Variants in KIAA1210 observed in about 807,000 individuals in gnomAD.
KIAA1210 encodes KIAA1210.
KIAA1210 carries 48 observed loss-of-function variants against 78.9 expected under a neutral mutation model. That is an observed-to-expected ratio of 0.61 (90% confidence interval 0.48 to 0.77). The LOEUF (loss-of-function observed/expected upper bound fraction) is 0.77, where lower values mean the gene tolerates loss of function less well. KIAA1210 is among the 30% of genes least tolerant of loss of function. The pLI, the probability that KIAA1210 is intolerant of heterozygous loss-of-function variation, is 0.00. For synonymous variants in KIAA1210, 406 were observed against 404.5 expected, an observed-to-expected ratio of 1.00 and a Z score of -0.04; for missense variants, 1,108 against 1,100.0, an observed-to-expected ratio of 1.01 and a Z score of -0.10.
At chrX:119,121,002 C>T (rs1020690766) in intron 2 of KIAA1210, among the ~76,000 whole-genome samples, 5 of 111,168 alleles carry the variant, frequency 4.5e-5, no homozygotes, top group Admixed American at 2.9e-4. Context: ...TAGGAGACCG[C>T]CCTATCCCTA....
At chrX:119,107,912 C>T (rs1927940576) in intron 5 of KIAA1210, among the ~76,000 whole-genome samples, 1 of 111,626 alleles carries the variant, frequency 9.0e-6, no homozygotes, top group Non-Finnish European at 1.9e-5. Context: ...AGCAATGGAT[C>T]CCTACCATAA....
At chrX:119,090,965 C>G (rs1927349351) in intron 8 of KIAA1210, among the ~76,000 whole-genome samples, 3 of 111,868 alleles carry the variant, frequency 2.7e-5, no homozygotes, top group Admixed American at 9.5e-5. Flanking sequence ...CACAAAGATA[C>G]TCTGCAACCA....
intron 2 of KIAA1210, among the ~76,000 whole-genome samples, chrX:119,138,072 A>C (rs987584952): frequency 4.5e-5 from 5 of 111,021 alleles, no homozygotes; most frequent in African/African-American, 6.6e-5. Flanking sequence ...GGAGGCCGTC[A>C]AGCTACAGAA....
chrX:119,088,831 T>A lies in KIAA1210; in HGVS notation c.1871A>T (p.His624Leu). 8.3e-7 allele frequency: 1 copy of A among 1,211,016 alleles called. No homozygotes were observed. Among genetic ancestry groups the A allele is most frequent in the Non-Finnish European group, 1.1e-6 (1 of 895,203 alleles). The change falls in exon 9 of 12, where the codon CAC becomes CTC. Residue 624 changes from histidine (H) to leucine (L), a missense_variant. His to Leu is a moderately conservative substitution (Grantham distance 99, BLOSUM62 -3). Around this residue, in one of 5 missense-constraint regions of KIAA1210, gnomAD observed 672 missense variants for 607.1 expected, o/e 1.11. Coordinates refer to ENST00000691062, the MANE Select transcript of KIAA1210 (RefSeq NM_001394962.1). ...AAACTTCCCCAAGGACTGGGAAGAG[T>A]GACCATGAGCCAGTTCTTCAGAACC... ...GDGSEELAHG[H>L]SSQSLGKFED... is the part of the protein sequence containing the mutation.
Position 119,089,524 on chromosome X carries a change from C to G in KIAA1210, c.1178G>C (p.Arg393Thr), listed in dbSNP as rs1255285388. The G allele has an allele frequency of 1.2e-5, 15 of 1,209,986 alleles. No homozygotes were observed. In the South Asian group the frequency reaches 2.3e-4, roughly 18 times the overall value. ...QSSEGYGLGD[R>T]AGSSPTNKTA... The stretch of plus-strand genomic sequence containing the variant: ...CTTATTGGTAGGTGAAGACCCAGCT[C>G]TATCGCCCAGGCCATACCCTTCACT... Residue 393 changes from arginine to threonine, a missense_variant, in exon 9 of 12, where the codon AGA becomes ACA. By Grantham distance (71) the Arg-to-Thr change is moderately conservative. Around this residue, in one of 5 missense-constraint regions of KIAA1210, gnomAD observed 672 missense variants for 607.1 expected, o/e 1.11. Transcript: ENST00000691062.
At position 119,112,430 on chromosome X, in the gene KIAA1210, C is replaced by A. The variant is rs180827482; in HGVS notation, c.231-3228G>T. 1.3e-3 allele frequency among the ~76,000 whole-genome samples: 144 copies of A among 110,515 alleles called. 1 individual carries two copies. Among genetic ancestry groups the A allele is most frequent in the African/African-American group, 4.5e-3 (138 of 30,410 alleles). On this transcript the variant is annotated intron_variant, in intron 3 of 11. Coordinates refer to ENST00000691062, the MANE Select transcript of KIAA1210 (RefSeq NM_001394962.1). ...TAATAGGAATTCTTTTTATTGAATT[C>A]TTAAGGAATTCAATAATAAAAATTT... is the stretch of plus-strand genomic sequence containing the variant.
intron 2 of KIAA1210, among the ~76,000 whole-genome samples, chrX:119,120,184 T>A (rs1381205177): frequency 9.0e-6 from 1 of 110,976 alleles, no homozygotes; most frequent in Non-Finnish European, 1.9e-5. Context: ...CCTCCCAAGG[T>A]GCCAGGATTA....
chrX:119,103,419 A>AT (rs1255765158), intron 6 of KIAA1210, among the ~76,000 whole-genome samples: 1 of 111,971 alleles, frequency 8.9e-6, no homozygotes, highest in Non-Finnish European at 1.9e-5. Context: ...CATGACTATA[A>AT]TTTTTTTAAA....
chrX:119,079,127 T>C lies in KIAA1210; in HGVS notation c.*2202A>G, dbSNP rs932259515. 1 of 112,314 alleles carries C rather than the reference T, an allele frequency of 8.9e-6. No homozygotes were observed. The highest frequency in any genetic ancestry group is 1.9e-5 in the Non-Finnish European group (1 of 53,246). 9.3% of individuals were successfully genotyped at this position (112,314 alleles called of 1,213,427 possible). On this transcript the variant is annotated 3_prime_UTR_variant, in exon 12 of 12. Coordinates refer to ENST00000691062, the MANE Select transcript of KIAA1210 (RefSeq NM_001394962.1). ...ATGTTATATAGAGAAAATGCAAAAT[T>C]TAGCATGTAATTGTACTGTGTCACA...
intron 8 of KIAA1210, among the ~76,000 whole-genome samples, chrX:119,093,320 G>A (rs1307478666): frequency 8.9e-6 from 1 of 112,470 alleles, no homozygotes; most frequent in Non-Finnish European, 1.9e-5. Flanking sequence ...GAAATCAGTG[G>A]TTGTCCTCTC....
Position 119,086,686 on chromosome X carries a change from C to T in KIAA1210, c.4016G>A (p.Gly1339Glu). ...SGPISSSVGRGHKIRSTSQGL... is the reference protein window; with the variant it reads ...SGPISSSVGREHKIRSTSQGL... Reference sequence around the variant, plus strand: ...CTGGGAAGTGCTTCTGATTTTATGTCCCCTGCCTACAGAGGATGAAATTGG... The same window carrying T: ...CTGGGAAGTGCTTCTGATTTTATGTTCCCTGCCTACAGAGGATGAAATTGG... The change falls in exon 9 of 12, where the codon GGA (glycine) becomes GAA (glutamate). Residue 1339 changes from glycine (G) to glutamate (E), a missense_variant. Transcript: ENST00000691062. 4.1e-6 allele frequency: 5 copies of T among 1,211,406 alleles called. No homozygotes were observed. The highest frequency in any genetic ancestry group is 2.2e-6 in the Non-Finnish European group (2 of 895,356).
rs777100643 is a variant in KIAA1210 at position 119,090,215 on chromosome X, G to A, written c.956-469C>T. 1.1e-3 allele frequency among the ~76,000 whole-genome samples: 116 copies of A among 102,461 alleles called. 2 individuals are homozygous for A. Among genetic ancestry groups the A allele is most frequent in the African/African-American group, 4.1e-3 (112 of 27,562 alleles). The allele number at this position is 102,461 out of a possible 115,157, so 89.0% of individuals were successfully genotyped here. A position where few individuals can be genotyped will look rare whatever the true frequency, so the allele number is the denominator to read the frequency against. The stretch of plus-strand genomic sequence containing the variant: ...TTTTGAGACAGAATCTCGTTCTGTC[G>A]CCCAGGCTGGAGTGAAATTGAAAAT... On this transcript the variant is annotated intron_variant, in intron 8 of 11. Coordinates refer to ENST00000691062, the MANE Select transcript of KIAA1210 (RefSeq NM_001394962.1).
intron 2 of KIAA1210, among the ~76,000 whole-genome samples, chrX:119,134,510 GAGA>G (rs1455932345): frequency 8.9e-6 from 1 of 112,237 alleles, no homozygotes; most frequent in Non-Finnish European, 1.9e-5. Flanking sequence ...ATACCAGGGA[GAGA>G]AGATCATCTT....
intron 3 of KIAA1210, among the ~76,000 whole-genome samples, chrX:119,111,891 A>G (rs773752908): frequency 1.8e-5 from 2 of 111,776 alleles, no homozygotes; most frequent in East Asian, 5.6e-4. Flanking sequence ...CCAGAAGCTC[A>G]AGTAACAAAA....
intron 8 of KIAA1210, among the ~76,000 whole-genome samples, chrX:119,092,265 A>G (rs1005927500): frequency 1.1e-4 from 12 of 111,283 alleles, no homozygotes; most frequent in Admixed American, 2.9e-4. Context: ...CCCCAGATGG[A>G]AGGGCCCCTT....
chrX:119,105,864 C>CATGTGGGTCAGAA (rs1927877997), intron 5 of KIAA1210, among the ~76,000 whole-genome samples: 1 of 111,716 alleles, frequency 9.0e-6, no homozygotes, highest in Admixed American at 9.5e-5. Context: ...TGCCATGGTC[C>CATGTGGGTCAGAA]TCTTGATGTG....
chrX:119,126,585 A>T (rs1480551407), intron 1 of KIAA1210, among the ~76,000 whole-genome samples: 1 of 112,165 alleles, frequency 8.9e-6, no homozygotes, highest in Non-Finnish European at 1.9e-5. Context: ...ATGGAGACAC[A>T]TGCACACACA....
Position 119,105,011 on chromosome X carries a change from T to C in KIAA1210, c.629A>G (p.Lys210Arg), listed in dbSNP as rs1230154541. 1.7e-6 allele frequency: 2 copies of C among 1,207,765 alleles called. No homozygotes were observed. Among genetic ancestry groups the C allele is most frequent in the African/African-American group, 3.5e-5 (2 of 56,940 alleles). ...KNPQKKALPH[K>R]SLTATQSFSE... ...ACTCACCTGAGTCGCTGTCAAACTC[T>C]TATGTGGTAAAGCCTTCTTTTGTGG... Residue 210 changes from lysine to arginine, a missense_variant, in exon 6 of 12, where the codon AAG becomes AGG. Physicochemically the swap from Lys to Arg is conservative, Grantham distance 26. This residue lies in a region of KIAA1210 where 672 missense variants were observed against 607.1 expected (regional missense o/e 1.11). Coordinates refer to ENST00000691062, the MANE Select transcript of KIAA1210 (RefSeq NM_001394962.1).
At chrX:119,122,597 CAA>C (rs918542653) in intron 2 of KIAA1210, among the ~76,000 whole-genome samples, 10 of 112,352 alleles carry the variant, frequency 8.9e-5, no homozygotes, top group African/African-American at 3.2e-4. Context: ...AGTTCATATC[CAA>C]AAAGTCAATT....
Sources: gnomAD v4.1 joint callset for allele counts (sites outside exome capture counted in the v4.1 genomes callset) on GRCh38, gnomAD v4.1.1 for gene constraint, gnomAD v4.1.1 regional missense constraint, MANE v1.5 for transcripts, NCBI Gene and HGNC (gene_info 2026-07-23, HGNC 2026-07-21) for gene names.